CSTPP1: variants seen among roughly 807,000 people sequenced by gnomAD.
CSTPP1 encodes UPF0705 protein C11orf49.
the CSTPP1 span, among the ~76,000 whole-genome samples, chr11:47,021,333 GC>G: frequency 1.1e-4 from 17 of 152,154 alleles, no homozygotes; most frequent in South Asian, 3.5e-3. Flanking sequence ...TTTCTGCATG[GC>G]TACTCACTCT....
chr11:46,984,065 C>T, the CSTPP1 span, among the ~76,000 whole-genome samples: 13 of 152,220 alleles, frequency 8.5e-5, no homozygotes, highest in Non-Finnish European at 1.9e-4. Flanking sequence ...GACAGACATA[C>T]ACACACATAA....
the CSTPP1 span, among the ~76,000 whole-genome samples, chr11:47,013,308 CAT>C: frequency 2.0e-5 from 3 of 151,774 alleles, no homozygotes; most frequent in East Asian, 1.9e-4. Flanking sequence ...CATAGATAAA[CAT>C]GTGTGCCATG....
the CSTPP1 span, among the ~76,000 whole-genome samples, chr11:46,973,661 A>G: frequency 2.0e-5 from 3 of 152,180 alleles, no homozygotes; most frequent in Non-Finnish European, 4.4e-5. Flanking sequence ...AAATCCACAC[A>G]GTATTTTGCT....
the CSTPP1 span, among the ~76,000 whole-genome samples, chr11:47,153,211 G>A: frequency 8.6e-4 from 131 of 152,296 alleles, no homozygotes; most frequent in African/African-American, 2.8e-3. Context: ...ATGAGATGGG[G>A]TAACCACTTG....
the CSTPP1 span, chr11:47,161,642 G>A: frequency 1.2e-6 from 2 of 1,607,410 alleles, no homozygotes; most frequent in Non-Finnish European, 1.7e-6. Flanking sequence ...GACTTGAGGA[G>A]TCCAAAGGGT....
the CSTPP1 span, among the ~76,000 whole-genome samples, chr11:47,086,260 G>C: frequency 4.3e-5 from 3 of 70,226 alleles, no homozygotes; most frequent in Middle Eastern, 8.3e-3. Flanking sequence ...AAAAAAAATA[G>C]CTGGCTGTGG....
the CSTPP1 span, among the ~76,000 whole-genome samples, chr11:47,126,371 C>T: frequency 6.6e-6 from 1 of 152,240 alleles, no homozygotes; most frequent in East Asian, 1.9e-4. Context: ...ACCTATAATC[C>T]CAATACTTCG....
At chr11:46,948,944 G>C in the CSTPP1 span, among the ~76,000 whole-genome samples, 1 of 152,154 alleles carries the variant, frequency 6.6e-6, no homozygotes, top group East Asian at 1.9e-4. Context: ...TTAATCTCAA[G>C]AGTACATTCT....
At chr11:47,028,202 C>T in the CSTPP1 span, among the ~76,000 whole-genome samples, 1 of 152,174 alleles carries the variant, frequency 6.6e-6, no homozygotes, top group Admixed American at 6.5e-5. Flanking sequence ...GGATTACAGG[C>T]GTGAGCCATC....
chr11:47,122,091 A>AAAAAAAAAAAAAAATATATATAT, the CSTPP1 span, among the ~76,000 whole-genome samples: 1 of 31,836 alleles, frequency 3.1e-5, no homozygotes. Flanking sequence ...AAAAAAAAAA[A>AAAAAAAAAAAAAAATATATATAT]ATATATATAT....
At chr11:47,043,973 G>A in the CSTPP1 span, among the ~76,000 whole-genome samples, 6 of 152,114 alleles carry the variant, frequency 3.9e-5, no homozygotes, top group Non-Finnish European at 7.4e-5. Context: ...TATCTACCAT[G>A]TAGGTTTATT....
chr11:47,053,301 G>C, the CSTPP1 span, among the ~76,000 whole-genome samples: 1 of 152,084 alleles, frequency 6.6e-6, no homozygotes. Flanking sequence ...TAATGGAGCT[G>C]CTGAAAGATC....
At chr11:47,103,399 C>CAA in the CSTPP1 span, among the ~76,000 whole-genome samples, 704 of 130,988 alleles carry the variant, frequency 5.4e-3, 2 homozygotes, top group Middle Eastern at 7.6e-3. Flanking sequence ...GACCCTGTCT[C>CAA]AAAAAAAAAA....
chr11:46,998,882 C>T, the CSTPP1 span, among the ~76,000 whole-genome samples: 1 of 152,044 alleles, frequency 6.6e-6, no homozygotes, highest in Non-Finnish European at 1.5e-5. Context: ...ACTACAGGTG[C>T]CCGCCACATG....
chr11:46,975,340 G>GA, the CSTPP1 span, among the ~76,000 whole-genome samples: 6 of 152,150 alleles, frequency 3.9e-5, no homozygotes, highest in Non-Finnish European at 7.3e-5. Context: ...TTTGTGCAGG[G>GA]AAAACTAAAA....
the CSTPP1 span, among the ~76,000 whole-genome samples, chr11:47,022,146 A>C: frequency 1.6e-5 from 1 of 60,688 alleles, no homozygotes; most frequent in Non-Finnish European, 3.6e-5. Context: ...CTTAGCCCCC[A>C]AAATATCTTA....
chr11:47,034,273 C>T, the CSTPP1 span, among the ~76,000 whole-genome samples: 1 of 152,048 alleles, frequency 6.6e-6, no homozygotes, highest in African/African-American at 2.4e-5. Context: ...TTTATCTTTT[C>T]CCTTCAAAGC....
the CSTPP1 span, among the ~76,000 whole-genome samples, chr11:47,045,161 C>T: frequency 6.6e-6 from 1 of 152,036 alleles, no homozygotes; most frequent in Non-Finnish European, 1.5e-5. Flanking sequence ...CTTTAAAGTG[C>T]TGAGAGAAGA....
chr11:47,067,635 G>A, the CSTPP1 span, among the ~76,000 whole-genome samples: 7 of 152,330 alleles, frequency 4.6e-5, no homozygotes, highest in Non-Finnish European at 5.9e-5. Context: ...CAGTGAGAAG[G>A]CAGCTGTCTG....
Sources: gnomAD v4.1 joint callset for allele counts (sites outside exome capture counted in the v4.1 genomes callset) on GRCh38, gnomAD v4.1.1 for gene constraint, MANE v1.5 for transcripts, NCBI Gene and HGNC (gene_info 2026-07-23, HGNC 2026-07-21) for gene names.